ERC2: variants seen among roughly 807,000 people sequenced by gnomAD.
ERC2 encodes ELKS/RAB6-interacting/CAST family member 2.
In ERC2, 42 loss-of-function variants were observed where a neutral mutation model predicts 114.8. The ratio of observed to expected loss-of-function variants is 0.37; its 90% confidence interval spans 0.29 to 0.47. The LOEUF (loss-of-function observed/expected upper bound fraction) is 0.47, where lower values mean the gene tolerates loss of function less well. Ranked by LOEUF, ERC2 falls within the 20% of genes least tolerant of loss-of-function variation. ERC2 has a pLI of 0.99. For missense variants in ERC2, 939 were observed against 1,150.7 expected (o/e 0.82, Z 2.66); for synonymous variants, 454 against 425.5 (o/e 1.07, Z -0.82).
At chr3:55,951,026 A>G (rs2067466192) in intron 12 of ERC2, among the ~76,000 whole-genome samples, 1 of 152,194 alleles carries the variant, frequency 6.6e-6, no homozygotes, top group African/African-American at 2.4e-5. Flanking sequence ...GAGAAACACC[A>G]GTGGCAGAGC....
chr3:55,966,293 T>A (rs2068744408), intron 12 of ERC2, among the ~76,000 whole-genome samples: 1 of 152,188 alleles, frequency 6.6e-6, no homozygotes, highest in African/African-American at 2.4e-5. Context: ...GTGGGATTCA[T>A]GAAAATCCTG....
intron 4 of ERC2, among the ~76,000 whole-genome samples, chr3:56,158,690 A>G (rs2081877962): frequency 6.6e-6 from 1 of 152,130 alleles, no homozygotes; most frequent in Admixed American, 6.5e-5. Context: ...TTCCATAAAT[A>G]ACCTAACCTT....
At chr3:55,820,912 C>T (rs75332687) in intron 14 of ERC2, among the ~76,000 whole-genome samples, 254 of 152,340 alleles carry the variant, frequency 1.7e-3, no homozygotes, top group African/African-American at 5.7e-3. Context: ...AGACAGCCTT[C>T]TTAGCCCCAG....
chr3:55,713,465 CCTCGG>C (rs2063903429), intron 15 of ERC2, among the ~76,000 whole-genome samples: 2 of 152,106 alleles, frequency 1.3e-5, no homozygotes, highest in Admixed American at 1.3e-4. Context: ...GATTGGCCCA[CCTCGG>C]CCTCCCAAAG....
Position 56,434,797 on chromosome 3 carries a change from C to T in ERC2, c.211G>A (p.Ala71Thr), listed in dbSNP as rs1436922031. The T allele has an allele frequency of 3.7e-6, 6 of 1,613,832 alleles. No individual in the cohort carries two copies. The highest frequency in any genetic ancestry group is 5.1e-6 in the Non-Finnish European group (6 of 1,179,902). Residue 71 changes from alanine to threonine, a missense_variant, in exon 2 of 18, where the codon GCT (alanine) becomes ACT (threonine). Ala to Thr is a moderately conservative substitution (Grantham distance 58). Around this residue, in one of 5 missense-constraint regions of ERC2, gnomAD observed 281 missense variants for 307.4 expected, o/e 0.91. Coordinates refer to ENST00000288221, the MANE Select transcript of ERC2 (RefSeq NM_015576.3). ...GTGCCCTTTGGGTAGGTTGTTGAAG[C>T]CACCCCTTCATGATCACTCAGATAC... is the stretch of plus-strand genomic sequence containing the variant. The part of the protein sequence containing the change: ...PMYLSDHEGV[A>T]STTYPKGTMT...
At chr3:55,746,456 A>G (rs985539677) in intron 14 of ERC2, among the ~76,000 whole-genome samples, 2 of 151,868 alleles carry the variant, frequency 1.3e-5, no homozygotes, top group African/African-American at 4.8e-5. Flanking sequence ...CTGGTCTCGA[A>G]CTCCCGACCT....
At chr3:55,794,262 C>G (rs2070295677) in intron 14 of ERC2, among the ~76,000 whole-genome samples, 1 of 152,186 alleles carries the variant, frequency 6.6e-6, no homozygotes, top group Admixed American at 6.5e-5. Flanking sequence ...AGAAACTAAT[C>G]TGTTTCCTCC....
intron 6 of ERC2, among the ~76,000 whole-genome samples, chr3:56,104,998 G>T (rs1393960454): frequency 6.6e-6 from 1 of 152,046 alleles, no homozygotes; most frequent in Non-Finnish European, 1.5e-5. Context: ...CCACTGAGAA[G>T]GTGACATTAG....
At chr3:55,957,552 C>T (rs74985363) in intron 12 of ERC2, among the ~76,000 whole-genome samples, 2,235 of 152,316 alleles carry the variant, frequency 0.015, 56 homozygotes, top group African/African-American at 0.052. Context: ...TTGCTTGAGG[C>T]CACAAGCAAA....
chr3:55,683,645 C>G, intron 17 of ERC2, 149 bp downstream of exon 17: 1 of 625,794 alleles, frequency 1.6e-6, no homozygotes, highest in African/African-American at 1.9e-5. Context: ...TGGGAAGGGT[C>G]AGGGCACGCG....
At chr3:55,567,931 CT>C (rs760488517) in intron 17 of ERC2, among the ~76,000 whole-genome samples, 18 of 152,248 alleles carry the variant, frequency 1.2e-4, no homozygotes, top group Non-Finnish European at 2.2e-4. Flanking sequence ...GATGGCTTCC[CT>C]CTTTGGGCCC....
At chr3:56,396,956 C>A (rs1008568219) in intron 2 of ERC2, among the ~76,000 whole-genome samples, 2 of 152,064 alleles carry the variant, frequency 1.3e-5, no homozygotes, top group Admixed American at 6.6e-5. Context: ...CTTAACGACT[C>A]CCTACCTCAA....
chr3:56,425,560 C>CTT (rs67210393), intron 2 of ERC2, among the ~76,000 whole-genome samples: 2,197 of 123,846 alleles, frequency 0.018, 42 homozygotes, highest in East Asian at 0.026. Context: ...GACCCTTTTT[C>CTT]TTTTTTTTTT....
chr3:55,680,454 T>C (rs766663220), intron 17 of ERC2, among the ~76,000 whole-genome samples: 1 of 152,222 alleles, frequency 6.6e-6, no homozygotes, highest in Admixed American at 6.5e-5. Context: ...GGAAAGCACC[T>C]TCATTCAATG....
chr3:55,831,833 A>G (rs4974148), intron 14 of ERC2, among the ~76,000 whole-genome samples: 54,154 of 152,086 alleles, frequency 0.36, 11,954 homozygotes, highest in African/African-American at 0.62. Context: ...CAAGGGGCCA[A>G]GGAGTTCACT....
chr3:56,448,419 G>A (rs933284296), intron 1 of ERC2, among the ~76,000 whole-genome samples: 3 of 152,212 alleles, frequency 2.0e-5, no homozygotes, highest in Admixed American at 2.0e-4. Flanking sequence ...TGGGGAAGGT[G>A]AGATCTGAAT....
intron 16 of ERC2, among the ~76,000 whole-genome samples, chr3:55,689,343 G>A (rs955898871): frequency 3.3e-5 from 5 of 152,034 alleles, no homozygotes; most frequent in African/African-American, 1.2e-4. Context: ...TGACAAACTA[G>A]TCTTTGGTGC....
At chr3:56,428,567 G>GGGAGGGGGAAGGAA (rs374805730) in intron 2 of ERC2, among the ~76,000 whole-genome samples, 1 of 125,550 alleles carries the variant, frequency 8.0e-6, no homozygotes. Context: ...GAGGGAGGGA[G>GGGAGGGGGAAGGAA]GGAGGGGAGA....
At chr3:55,680,531 A>G (rs1214126472) in intron 17 of ERC2, among the ~76,000 whole-genome samples, 1 of 152,250 alleles carries the variant, frequency 6.6e-6, no homozygotes, top group Non-Finnish European at 1.5e-5. Context: ...AAGAACAATT[A>G]TGGAGAATTG....
Sources: gnomAD v4.1 joint callset for allele counts (sites outside exome capture counted in the v4.1 genomes callset) on GRCh38, gnomAD v4.1.1 for gene constraint, gnomAD v4.1.1 regional missense constraint, MANE v1.5 for transcripts, NCBI Gene and HGNC (gene_info 2026-07-23, HGNC 2026-07-21) for gene names.